The following LARGE1 variants were observed in gnomAD, a reference collection of about 807,000 sequenced individuals.
LARGE1 encodes the protein xylosyl- and glucuronyltransferase LARGE1.
A neutral mutation model predicts 87.6 loss-of-function variants in LARGE1; 43 were observed. That is an observed-to-expected ratio of 0.49 (90% CI 0.38 to 0.63). LARGE1 has a LOEUF of 0.63. LARGE1 is among the 30% of genes least tolerant of loss of function. LARGE1 has a pLI of 0.00. For synonymous variants in LARGE1, 434 were observed against 394.6 expected, an observed-to-expected ratio of 1.10 and a Z score of -1.18; for missense variants, 802 against 1,000.2, an observed-to-expected ratio of 0.80 and a Z score of 2.67.
chr22:33,264,310 T>A (rs1409715227), intron 11 of LARGE1, among the ~76,000 whole-genome samples: 1 of 152,228 alleles, frequency 6.6e-6, no homozygotes. Context: ...AATCCATTCA[T>A]GAAGAAATCA....
At chr22:33,857,894 G>A (rs754718860) in intron 1 of LARGE1, among the ~76,000 whole-genome samples, 2 of 152,162 alleles carry the variant, frequency 1.3e-5, no homozygotes, top group African/African-American at 2.4e-5. Flanking sequence ...ATTGTTACCG[G>A]GGTTCCTTGC....
In LARGE1 at chr22:33,316,252, C is replaced by T; in HGVS notation, c.1288-4G>A. The T allele has an allele frequency of 6.2e-7, 1 of 1,613,180 alleles. No homozygotes were observed. Among genetic ancestry groups the T allele is most frequent in the Non-Finnish European group, 8.5e-7 (1 of 1,179,882 alleles). On this transcript the variant is annotated splice_polypyrimidine_tract_variant and splice_region_variant and intron_variant, in intron 10 of 14. Transcript: ENST00000397394. ...GCTCAGACAGCTGCTTCTGGAGCTG[C>T]AGGGTAGGAGAGAGGGCTTGGGCAC... is the stretch of plus-strand genomic sequence containing the variant.
rs2078228410 is a variant in LARGE1, at chr22:33,572,265, G to A, written c.616-7246C>T. The A allele has an allele frequency of 4.1e-6, 5 of 1,231,832 alleles. No homozygotes were observed. In the Middle Eastern group the frequency reaches 6.7e-4, roughly 166 times the overall value. The allele number at this position is 1,231,832 out of a possible 1,614,324, so 76.3% of individuals were successfully genotyped here. A position where few individuals can be genotyped will look rare whatever the true frequency, so the allele number is the denominator to read the frequency against. On this transcript the variant is annotated intron_variant, in intron 5 of 14. Transcript: ENST00000397394. ...CATTTGCCTTTCATGTTGTTTCTGA[G>A]TGGTTGTCTTGGCAACCAACCTATA...
chr22:33,651,169 T>A (rs1348747266), intron 2 of LARGE1, among the ~76,000 whole-genome samples: 3 of 143,714 alleles, frequency 2.1e-5, no homozygotes, highest in African/African-American at 7.9e-5. Flanking sequence ...GATCACGAGG[T>A]CAGGAGATTG....
chr22:33,489,113 G>A (rs1156426745), intron 6 of LARGE1, among the ~76,000 whole-genome samples: 1 of 152,222 alleles, frequency 6.6e-6, no homozygotes, highest in Non-Finnish European at 1.5e-5. Context: ...AGGCTACAGA[G>A]GTGAAGACAA....
At chr22:33,591,983 G>A (rs1399659561) in intron 5 of LARGE1, among the ~76,000 whole-genome samples, 1 of 149,918 alleles carries the variant, frequency 6.7e-6, no homozygotes, top group Non-Finnish European at 1.5e-5. Flanking sequence ...CTATGATTCT[G>A]CCACTGCACT....
At chr22:33,671,596 T>C (rs948497581) in intron 2 of LARGE1, among the ~76,000 whole-genome samples, 1 of 152,164 alleles carries the variant, frequency 6.6e-6, no homozygotes, top group African/African-American at 2.4e-5. Flanking sequence ...CTCTAATCCC[T>C]AACACAACAT....
the LARGE1 span, among the ~76,000 whole-genome samples, chr22:33,094,238 T>G: frequency 6.6e-6 from 1 of 152,168 alleles, no homozygotes; most frequent in African/African-American, 2.4e-5. Flanking sequence ...ATCTGGAACA[T>G]GACGAGAGCT....
the LARGE1 span, among the ~76,000 whole-genome samples, chr22:33,084,755 T>C: frequency 6.6e-6 from 1 of 152,210 alleles, no homozygotes; most frequent in Admixed American, 6.5e-5. Context: ...ACAGATGAAA[T>C]TAATGTTCAT....
rs543005158 is a variant in LARGE1 at position 33,790,396 on chromosome 22, A to G, written c.-82-28838T>C. 2.0e-5 allele frequency among the ~76,000 whole-genome samples: 3 copies of G among 152,334 alleles called. No individual in the cohort carries two copies. The South Asian group carries it at 6.2e-4, about 32-fold the overall frequency. ...CCTGGCATAGCAACTGACACCCAGT[A>G]GCCCCTCAATAACTATTGTGAAGGG... On this transcript the variant is annotated intron_variant, in intron 1 of 14. Coordinates refer to ENST00000397394, the MANE Select transcript of LARGE1 (RefSeq NM_133642.5).
intron 2 of LARGE1, among the ~76,000 whole-genome samples, chr22:33,760,905 C>A (rs137974119): frequency 6.6e-6 from 1 of 151,992 alleles, no homozygotes; most frequent in Non-Finnish European, 1.5e-5. Flanking sequence ...GGTAACAGAG[C>A]GAGACTCCGT....
chr22:33,332,855 C>T (rs1937911484), intron 10 of LARGE1, among the ~76,000 whole-genome samples: 1 of 152,172 alleles, frequency 6.6e-6, no homozygotes, highest in African/African-American at 2.4e-5. Context: ...GAGCAGTGTA[C>T]AGGAACCTGC....
chr22:33,410,456 G>A (rs868348894), intron 7 of LARGE1, among the ~76,000 whole-genome samples: 5 of 151,978 alleles, frequency 3.3e-5, no homozygotes, highest in Admixed American at 6.6e-5. Context: ...TGCTGTTCTC[G>A]TGACAGTGAG....
chr22:33,686,554 A>AG (rs1193238232), intron 2 of LARGE1, among the ~76,000 whole-genome samples: 44 of 69,776 alleles, frequency 6.3e-4, no homozygotes, highest in African/African-American at 2.8e-3. Flanking sequence ...AAAAAAAAAA[A>AG]AAAAAAAAAA....
In LARGE1 at chr22:33,831,346, C is replaced by G. The variant is rs77600950; in HGVS notation, c.-82-69788G>C. ...AAAGTCCCTTCTGATCTTGCATGTG[C>G]GTGCATACATGCACCCCCCCTCTGC... is the stretch of plus-strand genomic sequence containing the variant. On this transcript the variant is annotated intron_variant, in intron 1 of 14. Transcript: ENST00000397394. 9.8e-3 allele frequency among the ~76,000 whole-genome samples: 1,487 copies of G among 152,280 alleles called. 22 individuals are homozygous for G. Among genetic ancestry groups the G allele is most frequent in the African/African-American group, 0.033 (1,351 of 41,560 alleles).
At chr22:33,752,921 AAT>A (rs2084375046) in intron 2 of LARGE1, among the ~76,000 whole-genome samples, 1 of 152,222 alleles carries the variant, frequency 6.6e-6, no homozygotes, top group Non-Finnish European at 1.5e-5. Flanking sequence ...GGGTAGGCTC[AAT>A]ATAATTACAA....
intron 7 of LARGE1, among the ~76,000 whole-genome samples, chr22:33,404,402 G>A (rs2066026246): frequency 6.6e-6 from 1 of 152,172 alleles, no homozygotes; most frequent in South Asian, 2.1e-4. Context: ...TTTATAACCA[G>A]TGCTCAATAA....
intron 5 of LARGE1, among the ~76,000 whole-genome samples, chr22:33,586,208 C>T (rs1602575781): frequency 6.6e-6 from 1 of 152,080 alleles, no homozygotes. Context: ...TTACTCTTTA[C>T]GTGTTCCCAA....
chr22:33,466,693 T>TCTACACAC (rs1555925562), intron 6 of LARGE1, among the ~76,000 whole-genome samples: 40 of 145,344 alleles, frequency 2.8e-4, no homozygotes, highest in African/African-American at 1.0e-3. Context: ...TCTCTCTCTC[T>TCTACACAC]ACACACACAC....
Sources: allele counts gnomAD v4.1 joint callset (sites outside exome capture counted in the v4.1 genomes callset), GRCh38; gene constraint gnomAD v4.1.1; transcripts MANE v1.5; gene names NCBI Gene and HGNC (gene_info 2026-07-23, HGNC 2026-07-21).